Variants in AKR1A1 observed in about 807,000 individuals in gnomAD.
AKR1A1 encodes the protein aldo-keto reductase family 1 member A1.
A neutral mutation model predicts 39.2 loss-of-function variants in AKR1A1; 26 were observed. The ratio of observed to expected loss-of-function variants is 0.66; its 90% CI spans 0.49 to 0.92. The LOEUF is 0.92. Among genes scored for constraint, AKR1A1 ranks in the 40% least tolerant of loss-of-function variants. The pLI, the probability that AKR1A1 is intolerant of heterozygous loss-of-function variation, is 0.00. For synonymous variants in AKR1A1, 141 were observed against 155.5 expected (o/e 0.91, Z 0.69); for missense variants, 378 against 406.5 (o/e 0.93, Z 0.60).
intron 2 of AKR1A1, among the ~76,000 whole-genome samples, chr1:45,562,570 C>T (rs1049091306): frequency 6.0e-5 from 9 of 151,186 alleles, no homozygotes; most frequent in African/African-American, 4.9e-5. Flanking sequence ...AGTGCAGTGG[C>T]GTGATCTTGG....
In AKR1A1 at chr1:45,566,984, TG is replaced by T; in HGVS notation, c.322del (p.Asp108ThrfsTer4). Reference sequence around the variant, plus strand: ...CTGGCTGACCTCCAGCTGGAGTATCTGGACCTGTACCTGATGCACTGGCCTT... The same window carrying T: ...CTGGCTGACCTCCAGCTGGAGTATCTGACCTGTACCTGATGCACTGGCCTT... The part of the protein sequence containing the change: ...KTLADLQLEY[L>X]DLYLMHWPYA... On this transcript the variant is annotated frameshift_variant, in exon 4 of 9. Coordinates refer to ENST00000351829, the MANE Select transcript of AKR1A1 (RefSeq NM_153326.3). LOFTEE classifies it high-confidence loss of function. 1 of 1,614,238 alleles carries T rather than the reference TG, an allele frequency of 6.2e-7. No individual in the cohort carries two copies. Among genetic ancestry groups the T allele is most frequent in the Non-Finnish European group, 8.5e-7 (1 of 1,180,038 alleles).
At position 45,561,999 on chromosome 1, in the gene AKR1A1, A is replaced by T. The variant is rs563723719; in HGVS notation, c.84+121A>T. 38 of 941,538 alleles carry T rather than the reference A, an allele frequency of 4.0e-5. No homozygotes were observed. In the African/African-American group the frequency reaches 5.4e-4, roughly 13 times the overall value. 58.3% of individuals were successfully genotyped at this position (941,538 alleles called of 1,614,324 possible). A position where few individuals can be genotyped will look rare whatever the true frequency, so the allele number is the denominator to read the frequency against. On this transcript the variant is annotated intron_variant, in intron 2 of 8. Coordinates refer to ENST00000351829, the MANE Select transcript of AKR1A1 (RefSeq NM_153326.3). ...CCAGTGGGAAGAGATAAGAGAAGAC[A>T]CCAATTATACATCCTGGGCTTCCCC...
chr1:45,554,990 C>T (rs1570890195), intron 1 of AKR1A1, among the ~76,000 whole-genome samples: 1 of 152,260 alleles, frequency 6.6e-6, no homozygotes, highest in East Asian at 1.9e-4. Context: ...CCACACGCAA[C>T]CAGATGTTTT....
At chr1:45,556,072 A>G (rs1206931754) in intron 1 of AKR1A1, among the ~76,000 whole-genome samples, 1 of 152,152 alleles carries the variant, frequency 6.6e-6, no homozygotes, top group Admixed American at 6.6e-5. Flanking sequence ...GGAGAGGCCC[A>G]TGCAGCTAGG....
In AKR1A1 at chr1:45,554,777, G is replaced by A. The variant is rs118162126; in HGVS notation, c.-7+3622G>A. ...GTGATTTCAGCTCATTGCAACCTCT[G>A]CCCCCCAGGCTCAAGGGATCCTCCT... On this transcript the variant is annotated intron_variant, in intron 1 of 8. Transcript: ENST00000351829. 3.0e-3 allele frequency among the ~76,000 whole-genome samples: 462 copies of A among 152,174 alleles called. 5 individuals carry two copies. The highest frequency in any genetic ancestry group is 0.022 in the East Asian group (113 of 5,164).
At chr1:45,557,312 G>A (rs1644218058) in intron 1 of AKR1A1, among the ~76,000 whole-genome samples, 1 of 152,010 alleles carries the variant, frequency 6.6e-6, no homozygotes, top group African/African-American at 2.4e-5. Flanking sequence ...CTGGAAAGCA[G>A]TTGTATCAAG....
At chr1:45,552,476 A>C (rs2148287286) in intron 1 of AKR1A1, 1 of 152,228 alleles carries the variant, frequency 6.6e-6, no homozygotes, top group South Asian at 2.1e-4. Context: ...CCAGGTGCTG[A>C]GATTACATGT....
At chr1:45,569,821 G>T in intron 8 of AKR1A1, 70 bp from the exon 9 acceptor site, 1 of 1,393,848 alleles carries the variant, frequency 7.2e-7, no homozygotes, top group East Asian at 2.3e-5. Flanking sequence ...GGAAGATTTG[G>T]GGAAGATGCC....
chr1:45,558,409 T>TC (rs1644235933), intron 1 of AKR1A1, among the ~76,000 whole-genome samples: 1 of 148,996 alleles, frequency 6.7e-6, no homozygotes, highest in Admixed American at 6.7e-5. Flanking sequence ...TTTTTTTTTT[T>TC]TTTTTTTGAG....
In AKR1A1 at chr1:45,568,622, G is replaced by C. The variant is rs765598760; in HGVS notation, c.690G>C (p.Glu230Asp). 4.3e-6 allele frequency: 7 copies of C among 1,613,954 alleles called. No individual in the cohort carries two copies. The highest frequency in any genetic ancestry group is 5.1e-6 in the Non-Finnish European group (6 of 1,179,932). ...WRDPDEPVLLEEPVVLALAEK... is the reference protein window; with the variant it reads ...WRDPDEPVLLDEPVVLALAEK... Reference sequence around the variant, plus strand: ...ATCCTGATGAGCCTGTCCTGCTGGAGGAACCAGTAGTCCTGGCATTGGCTG... The same window carrying C: ...ATCCTGATGAGCCTGTCCTGCTGGACGAACCAGTAGTCCTGGCATTGGCTG... Residue 230 changes from glutamate (E) to aspartate (D), a missense_variant, in exon 6 of 9, where the codon GAG (glutamate) becomes GAC (aspartate). Glu to Asp is a conservative substitution (Grantham distance 45). Coordinates refer to ENST00000351829, the MANE Select transcript of AKR1A1 (RefSeq NM_153326.3).
At chr1:45,554,902 G>A (rs879489654) in intron 1 of AKR1A1, among the ~76,000 whole-genome samples, 1 of 152,030 alleles carries the variant, frequency 6.6e-6, no homozygotes, top group Admixed American at 6.5e-5. Flanking sequence ...TGTCCCCCAG[G>A]CTGGTCTCGA....
chr1:45,568,543 G>C lies in AKR1A1; in HGVS notation c.611G>C (p.Gly204Ala). 6.2e-7 allele frequency: 1 copy of C among 1,613,944 alleles called. No homozygotes were observed. Among genetic ancestry groups the C allele is most frequent in the South Asian group, 1.1e-5 (1 of 91,060 alleles). Reference protein sequence around the residue: ...NELIAHCQARGLEVTAYSPLG... With the variant: ...NELIAHCQARALEVTAYSPLG... Reference sequence around the variant, plus strand: ...CTAATTGCCCACTGCCAAGCACGTGGCCTGGAGGTAACTGCTTATAGCCCT... The same window carrying C: ...CTAATTGCCCACTGCCAAGCACGTGCCCTGGAGGTAACTGCTTATAGCCCT... The change falls in exon 6 of 9, where the codon GGC becomes GCC. Residue 204 changes from glycine (G) to alanine (A), a missense_variant. Transcript: ENST00000351829.
chr1:45,569,111 T>A, intron 7 of AKR1A1, 32 bp from the exon 8 acceptor site: 1 of 1,609,630 alleles, frequency 6.2e-7, no homozygotes, highest in Non-Finnish European at 8.5e-7. Flanking sequence ...CTCACAAAGC[T>A]GGCTTTCTTG....
At chr1:45,552,541 GAGC>G in intron 1 of AKR1A1, 1 of 152,306 alleles carries the variant, frequency 6.6e-6, no homozygotes, top group Admixed American at 6.5e-5. Flanking sequence ...GCTGAAGGAT[GAGC>G]AGCAGCTAGC....
In AKR1A1 at chr1:45,561,800, G is replaced by A. The variant is rs1341246026; in HGVS notation, c.6G>A (p.Ala2=). Residue 2 remains alanine (A), a synonymous_variant, in exon 2 of 9, where the codon GCG becomes GCA. Coordinates refer to ENST00000351829, the MANE Select transcript of AKR1A1 (RefSeq NM_153326.3). M[A]ASCVLLHTGQ... ...CATCTGTGTTTCAGGGGGCAATGGC[G>A]GCTTCCTGTGTTCTACTGCACACTG... The A allele has an allele frequency of 5.0e-6, 8 of 1,613,994 alleles. No homozygotes were observed. Among genetic ancestry groups the A allele is most frequent in the African/African-American group, 4.0e-5 (3 of 74,918 alleles).
rs1435957289 is a variant in AKR1A1 at position 45,551,104 on chromosome 1, A to T, written c.-58A>T. 6.6e-6 allele frequency: 1 copy of T among 152,280 alleles called. No homozygotes were observed. The highest frequency in any genetic ancestry group is 1.5e-5 in the Non-Finnish European group (1 of 68,086). 9.4% of individuals were successfully genotyped at this position (152,280 alleles called of 1,614,324 possible). A position where few individuals can be genotyped will look rare whatever the true frequency, so the allele number is the denominator to read the frequency against. On this transcript the variant is annotated 5_prime_UTR_variant, in exon 1 of 9. Transcript: ENST00000351829. ...GATCGTTGGATCTCTGGCGGGGTGC[A>T]GAACTGAGCCCAGGCCACAGTACCC...
intron 1 of AKR1A1, among the ~76,000 whole-genome samples, chr1:45,557,841 T>C (rs1369827673): frequency 6.6e-6 from 1 of 151,950 alleles, no homozygotes; most frequent in Non-Finnish European, 1.5e-5. Flanking sequence ...TAAACTAGAC[T>C]ATAAAATTCT....
At chr1:45,568,385 A>G in intron 5 of AKR1A1, 100 bp from the exon 6 acceptor site, 6 of 1,354,410 alleles carry the variant, frequency 4.4e-6, no homozygotes, top group Non-Finnish European at 6.2e-6. Context: ...AGGGGAGTGG[A>G]GGAGTCAGCA....
chr1:45,558,745 G>A (rs1305544204), intron 1 of AKR1A1, among the ~76,000 whole-genome samples: 1 of 152,136 alleles, frequency 6.6e-6, no homozygotes, highest in East Asian at 1.9e-4. Context: ...TGTTGGCCAG[G>A]CTGGTAATAC....
Sources: allele counts gnomAD v4.1 joint callset (sites outside exome capture counted in the v4.1 genomes callset), GRCh38; gene constraint gnomAD v4.1.1; transcripts MANE v1.5; gene names NCBI Gene and HGNC (gene_info 2026-07-23, HGNC 2026-07-21).